The following ANXA8 variants were observed in gnomAD, a reference collection of about 807,000 sequenced individuals.
The protein encoded by ANXA8 is annexin A8, also known as VAC-beta.
Under a neutral mutation model 26.8 loss-of-function variants are expected in ANXA8, and 9 were observed. The observed-to-expected ratio is 0.34, with a 90% CI of 0.20 to 0.59. The LOEUF (loss-of-function observed/expected upper bound fraction) is 0.59. Ranked by LOEUF, ANXA8 falls within the 20% of genes least tolerant of loss-of-function variation. The probability of loss-of-function intolerance (pLI) is 0.84; values close to 1 mark genes in which losing one functional copy is unlikely to be tolerated. For missense variants in ANXA8, 83 were observed against 238.5 expected, an observed-to-expected ratio of 0.35 and a Z score of 4.29; for synonymous variants, 39 against 94.8, an observed-to-expected ratio of 0.41 and a Z score of 3.42.
the ANXA8 span, among the ~76,000 whole-genome samples, chr10:47,650,474 T>C: frequency 6.6e-6 from 1 of 151,878 alleles, no homozygotes; most frequent in African/African-American, 2.4e-5. Flanking sequence ...TGTAAAGAAC[T>C]ATCACAGCTC....
At chr10:47,946,779 G>A in the ANXA8 span, among the ~76,000 whole-genome samples, 8 of 151,326 alleles carry the variant, frequency 5.3e-5, no homozygotes, top group African/African-American at 9.7e-5. Context: ...TGCAACCTCC[G>A]CCTCCCGGGT....
At chr10:47,755,085 T>C in the ANXA8 span, among the ~76,000 whole-genome samples, 1 of 149,142 alleles carries the variant, frequency 6.7e-6, no homozygotes, top group Admixed American at 6.7e-5. Context: ...GCCTCCCGAG[T>C]AGTTGGGCCT....
At chr10:47,540,453 A>G in the ANXA8 span, among the ~76,000 whole-genome samples, 1 of 128,000 alleles carries the variant, frequency 7.8e-6, no homozygotes. Context: ...ATCTAATTTT[A>G]GAAAAAAATT....
chr10:47,691,252 G>T, the ANXA8 span: 5 of 1,299,798 alleles, frequency 3.8e-6, no homozygotes, highest in Non-Finnish European at 5.3e-6. Flanking sequence ...TGGTATAGTG[G>T]TAGCTTATTT....
At chr10:47,557,023 T>C in the ANXA8 span, among the ~76,000 whole-genome samples, 7 of 125,376 alleles carry the variant, frequency 5.6e-5, no homozygotes, top group Admixed American at 3.4e-4. Context: ...TTTTTTTTTT[T>C]TGAGATGGAG....
At chr10:47,777,698 G>A in the ANXA8 span, among the ~76,000 whole-genome samples, 1 of 152,164 alleles carries the variant, frequency 6.6e-6, no homozygotes, top group African/African-American at 2.4e-5. Flanking sequence ...AGACATCTTT[G>A]GACCTTGGTG....
At chr10:47,486,355 A>G (rs1321993980), upstream of ANXA8, among the ~76,000 whole-genome samples, 3 of 144,648 alleles carry the variant, frequency 2.1e-5, no homozygotes, top group African/African-American at 7.6e-5. Context: ...CTCCCTTAGC[A>G]TGTCTTGAAG....
chr10:47,749,213 G>A, the ANXA8 span, among the ~76,000 whole-genome samples: 5 of 87,082 alleles, frequency 5.7e-5, no homozygotes, highest in East Asian at 3.9e-4. Flanking sequence ...CAGCCTGGGC[G>A]ACAGAGTGAG....
chr10:47,745,606 G>A, the ANXA8 span, among the ~76,000 whole-genome samples: 5 of 112,628 alleles, frequency 4.4e-5, 1 homozygote, highest in Admixed American at 3.0e-4. Context: ...ATCATGGAAT[G>A]TCAGTTTGGC....
the ANXA8 span, among the ~76,000 whole-genome samples, chr10:47,683,410 A>G: frequency 6.6e-6 from 1 of 151,602 alleles, no homozygotes; most frequent in Non-Finnish European, 1.5e-5. Flanking sequence ...TTGTATTTTT[A>G]GTAGAGACGG....
the ANXA8 span, among the ~76,000 whole-genome samples, chr10:47,498,087 C>G: frequency 6.7e-6 from 1 of 149,778 alleles, no homozygotes. Flanking sequence ...TGCCATGCAA[C>G]CAATCTCTGG....
At chr10:47,510,085 A>G in the ANXA8 span, 4 of 1,468,350 alleles carry the variant, frequency 2.7e-6, no homozygotes, top group Non-Finnish European at 2.7e-6. Flanking sequence ...CCAATTTCTT[A>G]AGCTGATTGC....
chr10:47,631,110 AT>A, the ANXA8 span, among the ~76,000 whole-genome samples: 2 of 150,290 alleles, frequency 1.3e-5, no homozygotes, highest in African/African-American at 5.0e-5. Context: ...TTAATTTTTA[AT>A]CATTGAAATT....
the ANXA8 span, among the ~76,000 whole-genome samples, chr10:47,500,023 G>A: frequency 6.6e-6 from 1 of 151,080 alleles, no homozygotes; most frequent in Non-Finnish European, 1.5e-5. Flanking sequence ...CTCTCAACTT[G>A]GCCTCCCAAA....
the ANXA8 span, among the ~76,000 whole-genome samples, chr10:47,712,806 TG>T: frequency 0.11 from 1,772 of 15,968 alleles, no homozygotes; most frequent in Middle Eastern, 0.23. Context: ...TTTTTTTGTT[TG>T]TTTGAGACAG....
chr10:47,680,429 G>A, the ANXA8 span, among the ~76,000 whole-genome samples: 1 of 151,878 alleles, frequency 6.6e-6, no homozygotes, highest in Non-Finnish European at 1.5e-5. Context: ...GAGGTCAGGA[G>A]TTCAAGACTA....
the ANXA8 span, among the ~76,000 whole-genome samples, chr10:47,699,344 C>CAAAAAAAAAAAAAAAAA: frequency 1.8e-5 from 1 of 54,200 alleles, no homozygotes; most frequent in Non-Finnish European, 3.4e-5. Context: ...ATTCTGTCTC[C>CAAAAAAAAAAAAAAAAA]AAAAAAAAAA....
At chr10:47,721,584 T>TGCCTG in the ANXA8 span, among the ~76,000 whole-genome samples, 1 of 133,424 alleles carries the variant, frequency 7.5e-6, no homozygotes, top group African/African-American at 2.7e-5. Flanking sequence ...CAGGCTGGAG[T>TGCCTG]GCACTGGTGC....
At chr10:47,743,339 T>TACACATATATATATAC in the ANXA8 span, among the ~76,000 whole-genome samples, 9 of 59,270 alleles carry the variant, frequency 1.5e-4, no homozygotes, top group Admixed American at 4.9e-4. Context: ...CATATATATA[T>TACACATATATATATAC]ACATATATAT....
Sources: gnomAD v4.1 joint callset for allele counts (sites outside exome capture counted in the v4.1 genomes callset) on GRCh38, gnomAD v4.1.1 for gene constraint, MANE v1.5 for transcripts, NCBI Gene and HGNC (gene_info 2026-07-23, HGNC 2026-07-21) for gene names.